KRT83: variants seen among roughly 807,000 people sequenced by gnomAD.
KRT83 encodes keratin 83, also known as keratin, type II cuticular Hb3.
KRT83 carries 51 observed loss-of-function variants against 52.9 expected under a neutral mutation model. The observed-to-expected ratio is 0.96, with a 90% CI of 0.77 to 1.22. The LOEUF (loss-of-function observed/expected upper bound fraction) is 1.22, where lower values mean the gene tolerates loss of function less well. KRT83 is among the 50% of genes most tolerant of loss of function. The pLI is 0.00. For synonymous variants in KRT83, 278 were observed against 274.1 expected (o/e 1.01, Z -0.14); for missense variants, 654 against 666.5 (o/e 0.98, Z 0.21).
rs775463584 is a variant in KRT83, at chr12:52,316,451, G to A, written c.1041+17C>T. 1.2e-6 allele frequency: 2 copies of A among 1,614,012 alleles called. No homozygotes were observed. The highest frequency in any genetic ancestry group is 1.7e-6 in the Non-Finnish European group (2 of 1,179,924). ...CCAGTCTCTTCCTACACTGAGGGGT[G>A]GGCCGGGCTCTGGTACCTGGCACTT... On this transcript the variant is annotated intron_variant, in intron 6 of 8. Transcript: ENST00000293670.
In KRT83 at chr12:52,316,024, C is replaced by T. The variant is rs765049913; in HGVS notation, c.1131G>A (p.Glu377=). The part of the protein sequence containing the change: ...SDARCKLAEL[E]GALQKAKQDM... ...CTTGCTTGGCCTTCTGCAGGGCGCC[C>T]TCCAGCTCGGCCAGCTTGCAGCGGG... is the stretch of plus-strand genomic sequence containing the variant. The change falls in exon 7 of 9, where the codon GAG becomes GAA. Residue 377 remains glutamate (E), a synonymous_variant. Transcript: ENST00000293670. The T allele has an allele frequency of 8.1e-6, 13 of 1,613,556 alleles. No homozygotes were observed. The highest frequency in any genetic ancestry group is 1.1e-5 in the Non-Finnish European group (13 of 1,179,970).
chr12:52,314,494 C>T lies in KRT83; in HGVS notation c.*137G>A, dbSNP rs1301015038. On this transcript the variant is annotated 3_prime_UTR_variant, in exon 9 of 9. Coordinates refer to ENST00000293670, the MANE Select transcript of KRT83 (RefSeq NM_002282.3). Reference sequence around the variant, plus strand: ...TGGGATGAAAGGTGGGGAGGAGCCGCTGGTGGGAATGAGCCGATGGTGTAT... The same window carrying T: ...TGGGATGAAAGGTGGGGAGGAGCCGTTGGTGGGAATGAGCCGATGGTGTAT... 6.0e-6 allele frequency: 5 copies of T among 835,100 alleles called. No individual in the cohort carries two copies. The highest frequency in any genetic ancestry group is 1.7e-5 in the African/African-American group (1 of 59,040). The allele number at this position is 835,100 out of a possible 1,614,324, so 51.7% of individuals were successfully genotyped here. A position where few individuals can be genotyped will look rare whatever the true frequency, so the allele number is the denominator to read the frequency against.
At position 52,321,054 on chromosome 12, in the gene KRT83, C is replaced by T. The variant is rs1408960437; in HGVS notation, c.282G>A (p.Thr94=). 3 of 1,612,518 alleles carry T rather than the reference C, an allele frequency of 1.9e-6. No homozygotes were observed. The highest frequency in any genetic ancestry group is 1.7e-5 in the Admixed American group (1 of 59,998). ...TGGGGTCTATCTCCAGGTTGAGGGG[C>T]GTGAGGAGGCTCTCGTTGACCGACA... The part of the protein sequence containing the change: ...TTVSVNESLL[T]PLNLEIDPNA... Residue 94 remains threonine, a synonymous_variant, in exon 1 of 9, where the codon ACG becomes ACA. Coordinates refer to ENST00000293670, the MANE Select transcript of KRT83 (RefSeq NM_002282.3).
rs1592446129 is a variant in KRT83, at chr12:52,315,983, A to G, written c.1172T>C (p.Ile391Thr). The G allele has an allele frequency of 2.5e-6, 4 of 1,613,034 alleles. No individual in the cohort carries two copies. The African/African-American group carries it at 5.3e-5, about 22-fold the overall frequency. ...QKAKQDMACL[I>T]REYQEVMNSK... ...GTTCATCACCTCCTGGTACTCCCTG[A>G]TCAGGCAGGCCATGTCTTGCTTGGC... Residue 391 changes from isoleucine (I) to threonine (T), a missense_variant, in exon 7 of 9, where the codon ATC becomes ACC. Physicochemically the swap from Ile to Thr is moderately conservative, Grantham distance 89. Transcript: ENST00000293670.
chr12:52,315,855 C>G, intron 7 of KRT83, 38 bp downstream of exon 7: 1 of 1,612,038 alleles, frequency 6.2e-7, no homozygotes, highest in African/African-American at 1.3e-5. Flanking sequence ...GTGGGCAGGT[C>G]TATGCAAGTG....
At chr12:52,316,619 G>T (rs371272186) in intron 5 of KRT83, 26 bp from the exon 6 acceptor site, 10 of 1,614,048 alleles carry the variant, frequency 6.2e-6, no homozygotes. Flanking sequence ...ATGTTCATGA[G>T]GCTCAGGATG....
At chr12:52,320,903 T>C in intron 1 of KRT83, 49 bp downstream of exon 1, 2 of 1,613,670 alleles carry the variant, frequency 1.2e-6, no homozygotes, top group Non-Finnish European at 1.7e-6. Context: ...GCCTGAGTTC[T>C]GAACATGAGT....
intron 7 of KRT83, 87 bp downstream of exon 7, chr12:52,315,806 T>A: frequency 6.4e-7 from 1 of 1,568,866 alleles, no homozygotes; most frequent in Non-Finnish European, 8.8e-7. Flanking sequence ...GGCAAGAATG[T>A]CACCTGGGGA....
In KRT83 at chr12:52,317,693, C is replaced by A; in HGVS notation, c.738G>T (p.Arg246=). ...GAGAGCCCCTCACCTCCTCGTACAG[C>A]CGCCTCAGGAAGTCAATCTCCTGGA... ...ALIQEIDFLR[R]LYEEEIRILQ... is the part of the protein sequence containing the mutation. Residue 246 remains arginine (R), a synonymous_variant, in exon 4 of 9, where the codon CGG becomes CGT. Coordinates refer to ENST00000293670, the MANE Select transcript of KRT83 (RefSeq NM_002282.3). The A allele has an allele frequency of 6.2e-7, 1 of 1,612,502 alleles. No homozygotes were observed. Among genetic ancestry groups the A allele is most frequent in the Non-Finnish European group, 8.5e-7 (1 of 1,179,972 alleles).
In KRT83 at chr12:52,319,633, T is replaced by A. The variant is rs2857662; in HGVS notation, c.385-269A>T. ...CAGATTCTGCTGCCACTTGTTAACA[T>A]TGTGCCCTTGGATAAAGCACTCACC... On this transcript the variant is annotated intron_variant, in intron 1 of 8. Coordinates refer to ENST00000293670, the MANE Select transcript of KRT83 (RefSeq NM_002282.3). Among the ~76,000 whole-genome samples the A allele has an allele frequency of 0.38, 57,714 of 152,024 alleles. 11,479 individuals are homozygous for A. The highest frequency in any genetic ancestry group is 0.48 in the African/African-American group (20,039 of 41,450).
chr12:52,315,490 T>C, intron 7 of KRT83, 147 bp from the exon 8 acceptor site: 1 of 888,908 alleles, frequency 1.1e-6, no homozygotes. Context: ...GTTGCCTTTC[T>C]GGCAGTTGAA....
chr12:52,317,565 A>G, intron 4 of KRT83, 116 bp downstream of exon 4: 1 of 1,213,638 alleles, frequency 8.2e-7, no homozygotes, highest in Admixed American at 1.7e-5. Flanking sequence ...CCAACCCTCC[A>G]GCCGTGAGCC....
At chr12:52,320,909 T>A in intron 1 of KRT83, 43 bp downstream of exon 1, 1 of 1,613,638 alleles carries the variant, frequency 6.2e-7, no homozygotes, top group Non-Finnish European at 8.5e-7. Context: ...GTTCTGAACA[T>A]GAGTAGGGGT....
Position 52,316,976 on chromosome 12 carries a change from G to A in KRT83, c.798C>T (p.Val266=). Reference sequence around the variant, plus strand: ...TCAGGTCCCGGCTGTTGTCCAGCTTGACAACCACGGAGGTGTCTGAGATGT... The same window carrying A: ...TCAGGTCCCGGCTGTTGTCCAGCTTAACAACCACGGAGGTGTCTGAGATGT... ...QSHISDTSVV[V]KLDNSRDLNM... Residue 266 remains valine (V), a synonymous_variant, in exon 5 of 9, where the codon GTC becomes GTT. Coordinates refer to ENST00000293670, the MANE Select transcript of KRT83 (RefSeq NM_002282.3). The A allele has an allele frequency of 1.2e-6, 2 of 1,614,202 alleles. No homozygotes were observed. The highest frequency in any genetic ancestry group is 1.1e-5 in the South Asian group (1 of 91,082).
In KRT83 at chr12:52,314,570, T is replaced by C; in HGVS notation, c.*61A>G. The C allele has an allele frequency of 6.9e-7, 1 of 1,443,440 alleles. No homozygotes were observed. Among genetic ancestry groups the C allele is most frequent in the Non-Finnish European group, 9.5e-7 (1 of 1,050,374 alleles). 89.4% of individuals were successfully genotyped at this position (1,443,440 alleles called of 1,614,324 possible). A position where few individuals can be genotyped will look rare whatever the true frequency, so the allele number is the denominator to read the frequency against. Reference sequence around the variant, plus strand: ...GCGATGTGCTGCTGTTTTCAGCTGGTGGTGGGGCAGTGGCACGTCTGGCAG... The same window carrying C: ...GCGATGTGCTGCTGTTTTCAGCTGGCGGTGGGGCAGTGGCACGTCTGGCAG... On this transcript the variant is annotated 3_prime_UTR_variant, in exon 9 of 9. Coordinates refer to ENST00000293670, the MANE Select transcript of KRT83 (RefSeq NM_002282.3).
Position 52,316,910 on chromosome 12 carries a change from A to T in KRT83, c.864T>A (p.Asp288Glu). The T allele has an allele frequency of 2.5e-6, 4 of 1,614,180 alleles. No individual in the cohort carries two copies. The highest frequency in any genetic ancestry group is 3.4e-6 in the Non-Finnish European group (4 of 1,180,036). ...CIVAEIKAQY[D>E]DIATRSRAEA... Reference sequence around the variant, plus strand: ...CAGCCCGGCTACGGGTGGCAATGTCATCATACTGTGCCTTGATCTCGGCAA... The same window carrying T: ...CAGCCCGGCTACGGGTGGCAATGTCTTCATACTGTGCCTTGATCTCGGCAA... Residue 288 changes from aspartate to glutamate, a missense_variant, in exon 5 of 9, where the codon GAT becomes GAA. By Grantham distance (45) the Asp-to-Glu change is conservative. Coordinates refer to ENST00000293670, the MANE Select transcript of KRT83 (RefSeq NM_002282.3).
At chr12:52,319,107 T>G in intron 2 of KRT83, 49 bp downstream of exon 2, 1 of 1,611,750 alleles carries the variant, frequency 6.2e-7, no homozygotes, top group Middle Eastern at 2.2e-4. Context: ...CTCAGGGAGC[T>G]GCCACCATGC....
At position 52,318,207 on chromosome 12, in the gene KRT83, G is replaced by T. The variant is rs993843503; in HGVS notation, c.594-237C>A. Among the ~76,000 whole-genome samples, 4 of 151,752 alleles carry T rather than the reference G, an allele frequency of 2.6e-5. No homozygotes were observed. The East Asian group carries it at 7.8e-4, about 29-fold the overall frequency. Reference sequence around the variant, plus strand: ...GTTTTTGTTTTTGAGATGGAGTCTCGCTCTGTCGCCCAGGTTGGAGCACAG... The same window carrying T: ...GTTTTTGTTTTTGAGATGGAGTCTCTCTCTGTCGCCCAGGTTGGAGCACAG... On this transcript the variant is annotated intron_variant, in intron 2 of 8. Transcript: ENST00000293670.
intron 2 of KRT83, 70 bp downstream of exon 2, chr12:52,319,086 A>AC: frequency 2.5e-6 from 4 of 1,607,086 alleles, no homozygotes; most frequent in Non-Finnish European, 3.4e-6. Flanking sequence ...CAGACTGGAT[A>AC]CTCCTCCGGG....
Sources: gnomAD v4.1 joint callset for allele counts (sites outside exome capture counted in the v4.1 genomes callset) on GRCh38, gnomAD v4.1.1 for gene constraint, MANE v1.5 for transcripts, NCBI Gene and HGNC (gene_info 2026-07-23, HGNC 2026-07-21) for gene names.